RUNX2: variants seen among roughly 807,000 people sequenced by gnomAD.
RUNX2 encodes runt-related transcription factor 2.
Under a neutral mutation model 51.7 loss-of-function variants are expected in RUNX2, and 10 were observed. That is an observed-to-expected ratio of 0.19 (90% CI 0.12 to 0.33). The LOEUF is 0.33. Among genes scored for constraint, RUNX2 ranks in the 10% least tolerant of loss-of-function variants. RUNX2 has a pLI of 1.00. For synonymous variants in RUNX2, 276 were observed against 273.6 expected (o/e 1.01, Z -0.09); for missense variants, 562 against 691.3 (o/e 0.81, Z 2.10).
chr6:45,490,878 T>C (rs1328415705), intron 5 of RUNX2, among the ~76,000 whole-genome samples: 1 of 152,170 alleles, frequency 6.6e-6, no homozygotes, highest in Non-Finnish European at 1.5e-5. Flanking sequence ...GCACAGAATC[T>C]GGAGGAAGGA....
intron 5 of RUNX2, 106 bp downstream of exon 5, chr6:45,438,157 G>A (rs1798742853): frequency 7.8e-6 from 6 of 771,858 alleles, no homozygotes; most frequent in Non-Finnish European, 1.4e-5. Flanking sequence ...TAGTGTCTTT[G>A]TGGACTTTGC....
At chr6:45,498,984 A>G (rs539623406) in intron 6 of RUNX2, among the ~76,000 whole-genome samples, 2 of 152,264 alleles carry the variant, frequency 1.3e-5, no homozygotes, top group African/African-American at 2.4e-5. Flanking sequence ...GTGAGGGTGG[A>G]TGGACCCATA....
chr6:45,371,922 C>A, intron 2 of RUNX2: 1 of 839,070 alleles, frequency 1.2e-6, no homozygotes, highest in Non-Finnish European at 1.4e-6. Flanking sequence ...GTTTCTTGAA[C>A]TGCCCAAGGA....
At chr6:45,444,300 G>C (rs577935177) in intron 5 of RUNX2, among the ~76,000 whole-genome samples, 1 of 152,342 alleles carries the variant, frequency 6.6e-6, no homozygotes, top group African/African-American at 2.4e-5. Flanking sequence ...TACTCTCAAG[G>C]AGAGACCAAA....
chr6:45,517,622 A>G (rs1394819324), intron 7 of RUNX2, among the ~76,000 whole-genome samples: 1 of 152,122 alleles, frequency 6.6e-6, no homozygotes, highest in African/African-American at 2.4e-5. Context: ...CTTATTTCAA[A>G]ATATGTAAAT....
At chr6:45,404,480 C>T (rs184426450) in intron 2 of RUNX2, among the ~76,000 whole-genome samples, 4 of 152,170 alleles carry the variant, frequency 2.6e-5, no homozygotes, top group South Asian at 2.1e-4. Flanking sequence ...TTTATTGAAA[C>T]GGCCAATGTG....
chr6:45,438,811 C>A (rs116051592), intron 5 of RUNX2, among the ~76,000 whole-genome samples: 1 of 151,946 alleles, frequency 6.6e-6, no homozygotes, highest in South Asian at 2.1e-4. Context: ...CTCAGCATAG[C>A]GGTATTTGAA....
chr6:45,460,864 C>G (rs1035962489), intron 5 of RUNX2, among the ~76,000 whole-genome samples: 2 of 152,068 alleles, frequency 1.3e-5, no homozygotes, highest in African/African-American at 2.4e-5. Flanking sequence ...ATAACACCTA[C>G]CTATAATGGT....
intron 2 of RUNX2, among the ~76,000 whole-genome samples, chr6:45,329,898 T>TA (rs1787111751): frequency 6.6e-6 from 1 of 151,944 alleles, no homozygotes; most frequent in Non-Finnish European, 1.5e-5. Flanking sequence ...ATTTTTCTTA[T>TA]ATCCATTAAA....
At chr6:45,476,358 A>G (rs1229350573) in intron 5 of RUNX2, among the ~76,000 whole-genome samples, 6 of 151,998 alleles carry the variant, frequency 3.9e-5, no homozygotes, top group African/African-American at 1.2e-4. Flanking sequence ...CCTTGCTCAG[A>G]AGATAGGCTG....
intron 5 of RUNX2, among the ~76,000 whole-genome samples, chr6:45,480,199 G>A (rs888887643): frequency 2.0e-5 from 3 of 152,182 alleles, no homozygotes; most frequent in Non-Finnish European, 4.4e-5. Flanking sequence ...GTGGATAAAC[G>A]CTATTCCATT....
chr6:45,411,851 A>G (rs1021871679), intron 2 of RUNX2, among the ~76,000 whole-genome samples: 1 of 152,198 alleles, frequency 6.6e-6, no homozygotes, highest in South Asian at 2.1e-4. Context: ...CAATGAAACT[A>G]CTAGATGCAA....
rs572163082 is a variant in RUNX2 at position 45,373,240 on chromosome 6, G to A, written c.58+44456G>A. On this transcript the variant is annotated intron_variant, in intron 2 of 8. Coordinates refer to ENST00000647337, the MANE Select transcript of RUNX2 (RefSeq NM_001024630.4). ...ATTACAGGCATGAAGTCACAGAGCC[G>A]GCCACGATTTTCATGTTCATTATCT... Among the ~76,000 whole-genome samples, 11 of 152,012 alleles carry A rather than the reference G, an allele frequency of 7.2e-5. 1 individual carries two copies. The South Asian group carries it at 1.7e-3, about 23-fold the overall frequency.
chr6:45,455,113 A>C (rs961205883), intron 5 of RUNX2, among the ~76,000 whole-genome samples: 3 of 152,086 alleles, frequency 2.0e-5, no homozygotes, highest in East Asian at 3.9e-4. Flanking sequence ...CTTTGGGAAG[A>C]AAAAAAAGAA....
At chr6:45,349,340 C>A (rs1380775378) in intron 2 of RUNX2, among the ~76,000 whole-genome samples, 3 of 152,166 alleles carry the variant, frequency 2.0e-5, no homozygotes, top group Non-Finnish European at 2.9e-5. Context: ...AGTTTACCTG[C>A]TGAGTTTTCT....
At chr6:45,432,423 C>G (rs1160337571) in intron 4 of RUNX2, among the ~76,000 whole-genome samples, 1 of 152,106 alleles carries the variant, frequency 6.6e-6, no homozygotes, top group African/African-American at 2.4e-5. Flanking sequence ...GTAGCAAGGA[C>G]AGCTGGCATA....
chr6:45,547,001 A>T lies in RUNX2; in HGVS notation c.1262A>T (p.Tyr421Phe), dbSNP rs1255011742. ...TCCGCCACCACTCACTACCACACCT[A>T]CCTGCCACCACCCTACCCCGGCTCT... ...GMSATTHYHT[Y>F]LPPPYPGSSQ... is the part of the protein sequence containing the mutation. Residue 421 changes from tyrosine to phenylalanine, a missense_variant, in exon 9 of 9, where the codon TAC becomes TTC. Coordinates refer to ENST00000647337, the MANE Select transcript of RUNX2 (RefSeq NM_001024630.4). The T allele has an allele frequency of 2.5e-6, 4 of 1,613,438 alleles. No individual in the cohort carries two copies. The African/African-American group carries it at 5.4e-5, about 22-fold the overall frequency.
intron 2 of RUNX2, among the ~76,000 whole-genome samples, chr6:45,410,370 T>G (rs963271168): frequency 6.6e-6 from 1 of 152,122 alleles, no homozygotes; most frequent in African/African-American, 2.4e-5. Context: ...TGAATAATAT[T>G]CAAGAAGTAG....
chr6:45,450,636 C>T (rs1271381660), intron 5 of RUNX2, among the ~76,000 whole-genome samples: 1 of 151,992 alleles, frequency 6.6e-6, no homozygotes, highest in African/African-American at 2.4e-5. Context: ...AAGAGTGGTC[C>T]AAGGAAGGCC....
Sources: gnomAD v4.1 joint callset for allele counts (sites outside exome capture counted in the v4.1 genomes callset) on GRCh38, gnomAD v4.1.1 for gene constraint, MANE v1.5 for transcripts, NCBI Gene and HGNC (gene_info 2026-07-23, HGNC 2026-07-21) for gene names.